OTOL1: variants seen among roughly 807,000 people sequenced by gnomAD.
OTOL1 encodes otolin 1.
In OTOL1, 31 loss-of-function variants were observed where a neutral mutation model predicts 25.0. That is an observed-to-expected ratio of 1.24 (90% confidence interval 0.93 to 1.67). The LOEUF is 1.67. OTOL1 is among the 40% of genes most tolerant of loss of function. The probability of loss-of-function intolerance (pLI) is 0.00; values close to 1 mark genes in which losing one functional copy is unlikely to be tolerated. For synonymous variants in OTOL1, 225 were observed against 210.3 expected (o/e 1.07, Z -0.61); for missense variants, 654 against 587.7 (o/e 1.11, Z -1.17).
chr3:161,501,911 G>T (rs1194910062), intron 2 of OTOL1, among the ~76,000 whole-genome samples: 1 of 152,134 alleles, frequency 6.6e-6, no homozygotes, highest in African/African-American at 2.4e-5. Flanking sequence ...CTGTCACCCA[G>T]GCTAAAGTGC....
At position 161,503,862 on chromosome 3, in the gene OTOL1, G is replaced by T. The variant is rs200041048; in HGVS notation, c.1354G>T (p.Val452Leu). ...WLEVSKDWNGVYVSAEDDSIF... is the reference protein window; with the variant it reads ...WLEVSKDWNGLYVSAEDDSIF... ...TGAGGTGTCAAAAGATTGGAATGGG[G>T]TGTATGTCAGTGCTGAGGATGACAG... The change falls in exon 4 of 4, where the codon GTG becomes TTG. Residue 452 changes from valine (V) to leucine (L), a missense_variant. Val to Leu is a conservative substitution (Grantham distance 32, BLOSUM62 1). Transcript: ENST00000327928. 93 of 1,613,846 alleles carry T rather than the reference G, an allele frequency of 5.8e-5. No individual in the cohort carries two copies. In the African/African-American group the frequency reaches 1.1e-3, roughly 19 times the overall value.
In OTOL1 at chr3:161,496,819, T is replaced by A. The variant is rs1216622607; in HGVS notation, c.12T>A (p.Phe4Leu). The A allele has an allele frequency of 6.4e-7, 1 of 1,574,796 alleles. No individual in the cohort carries two copies. The highest frequency in any genetic ancestry group is 1.4e-5 in the African/African-American group (1 of 73,246). ...TTCCAGCTTCAAATATGTGGATGTT[T>A]TCTTGGCTTTGTGCTATTTTAATTA... is the stretch of plus-strand genomic sequence containing the variant. MWM[F>L]SWLCAILIIL... Residue 4 changes from phenylalanine (F) to leucine (L), a missense_variant, in exon 1 of 4, where the codon TTT (phenylalanine) becomes TTA (leucine). Coordinates refer to ENST00000327928, the MANE Select transcript of OTOL1 (RefSeq NM_001080440.1).
chr3:161,503,170 G>T lies in OTOL1; in HGVS notation c.662G>T (p.Gly221Val). The T allele has an allele frequency of 6.8e-7, 1 of 1,461,876 alleles. No homozygotes were observed. 90.6% of individuals were successfully genotyped at this position (1,461,876 alleles called of 1,614,324 possible). ...QGAMGSPGLHGGPGAKGEKGE... is the reference protein window; with the variant it reads ...QGAMGSPGLHVGPGAKGEKGE... ...GCTATGGGCTCACCTGGCCTGCACG[G>T]AGGGCCTGGCGCCAAGGGAGAGAAG... is the stretch of plus-strand genomic sequence containing the variant. Residue 221 changes from glycine (G) to valine (V), a missense_variant, in exon 4 of 4, where the codon GGA (glycine) becomes GTA (valine). Physicochemically the swap from Gly to Val is moderately radical, Grantham distance 109. Transcript: ENST00000327928.
chr3:161,501,060 G>A (rs1251613998), intron 2 of OTOL1, among the ~76,000 whole-genome samples: 2 of 152,144 alleles, frequency 1.3e-5, no homozygotes, highest in African/African-American at 4.8e-5. Context: ...TCTGTCCAGT[G>A]CTTTAAATTT....
chr3:161,499,305 AT>A (rs1718915412), intron 2 of OTOL1, 45 bp downstream of exon 2: 2 of 1,441,366 alleles, frequency 1.4e-6, no homozygotes, highest in Non-Finnish European at 1.9e-6. Context: ...ATTCTGCATC[AT>A]TTTTCAGGAG....
In OTOL1 at chr3:161,503,190, G is replaced by T; in HGVS notation, c.682G>T (p.Glu228Ter). The change falls in exon 4 of 4, where the codon GAG (glutamate) becomes TAG (stop). Residue 228 changes from glutamate (E) to a stop codon, truncating the protein, a stop_gained. Coordinates refer to ENST00000327928, the MANE Select transcript of OTOL1 (RefSeq NM_001080440.1). LOFTEE classifies it low-confidence loss of function (END_TRUNC). ...GCACGGAGGGCCTGGCGCCAAGGGA[G>T]AGAAGGGGGAGATGGGGGAGAAGGG... is the stretch of plus-strand genomic sequence containing the variant. ...GLHGGPGAKG[E>*]KGEMGEKGEM... 1 of 1,355,658 alleles carries T rather than the reference G, an allele frequency of 7.4e-7. No homozygotes were observed. The highest frequency in any genetic ancestry group is 9.6e-7 in the Non-Finnish European group (1 of 1,044,664). The allele number at this position is 1,355,658 out of a possible 1,614,324, so 84.0% of individuals were successfully genotyped here.
chr3:161,501,858 T>C (rs1718980143), intron 2 of OTOL1, among the ~76,000 whole-genome samples: 1 of 152,150 alleles, frequency 6.6e-6, no homozygotes, highest in Non-Finnish European at 1.5e-5. Context: ...AAATTAATTA[T>C]TCCTAATGAC....
At position 161,503,186 on chromosome 3, in the gene OTOL1, G is replaced by A; in HGVS notation, c.678G>A (p.Lys226=). 6.9e-7 allele frequency: 1 copy of A among 1,457,302 alleles called. No individual in the cohort carries two copies. Among genetic ancestry groups the A allele is most frequent in the Non-Finnish European group, 9.0e-7 (1 of 1,105,988 alleles). The allele number at this position is 1,457,302 out of a possible 1,614,324, so 90.3% of individuals were successfully genotyped here. The change falls in exon 4 of 4, where the codon AAG becomes AAA. Residue 226 remains lysine, a synonymous_variant. Transcript: ENST00000327928. ...GCCTGCACGGAGGGCCTGGCGCCAA[G>A]GGAGAGAAGGGGGAGATGGGGGAGA... ...SPGLHGGPGA[K]GEKGEMGEKG...
intron 2 of OTOL1, 147 bp from the exon 3 acceptor site, chr3:161,502,160 G>T: frequency 1.4e-6 from 1 of 712,106 alleles, no homozygotes; most frequent in Admixed American, 2.3e-5. Flanking sequence ...GAGCCGCCGT[G>T]CCTGGCGTAC....
At position 161,497,186 on chromosome 3, in the gene OTOL1, AAGAAGTC is replaced by A; in HGVS notation, c.364+17_364+23del. On this transcript the variant is annotated intron_variant, in intron 1 of 3. Coordinates refer to ENST00000327928, the MANE Select transcript of OTOL1 (RefSeq NM_001080440.1). The stretch of plus-strand genomic sequence containing the variant: ...TGGACAGCCAGGTATTAGAAAATAT[AAGAAGTC>A]ATGTTTCTCACTTGTACATTGGTAG... The A allele has an allele frequency of 6.3e-7, 1 of 1,593,738 alleles. No individual in the cohort carries two copies. The highest frequency in any genetic ancestry group is 2.2e-5 in the East Asian group (1 of 44,758).
chr3:161,503,547 G>A lies in OTOL1; in HGVS notation c.1039G>A (p.Ala347Thr), dbSNP rs182735973. Reference protein sequence around the residue: ...LARVPRSAFSAGLSKPFPPPN... With the variant: ...LARVPRSAFSTGLSKPFPPPN... Reference sequence around the variant, plus strand: ...TAGAGTGCCCCGGTCGGCTTTCAGCGCTGGTTTGTCAAAGCCATTTCCTCC... The same window carrying A: ...TAGAGTGCCCCGGTCGGCTTTCAGCACTGGTTTGTCAAAGCCATTTCCTCC... The change falls in exon 4 of 4, where the codon GCT (alanine) becomes ACT (threonine). Residue 347 changes from alanine to threonine, a missense_variant. Transcript: ENST00000327928. 82 of 1,613,824 alleles carry A rather than the reference G, an allele frequency of 5.1e-5. 1 individual carries two copies. In the African/African-American group the frequency reaches 9.3e-4, roughly 18 times the overall value.
intron 2 of OTOL1, among the ~76,000 whole-genome samples, chr3:161,501,183 A>T (rs959522795): frequency 1.3e-5 from 2 of 152,168 alleles, no homozygotes; most frequent in African/African-American, 4.8e-5. Flanking sequence ...CCAACTGATT[A>T]AATGTGTTCT....
At position 161,497,816 on chromosome 3, in the gene OTOL1, G is replaced by A. The variant is rs1718874285; in HGVS notation, c.364+645G>A. Among the ~76,000 whole-genome samples, 4 of 152,058 alleles carry A rather than the reference G, an allele frequency of 2.6e-5. No individual in the cohort carries two copies. In the South Asian group the frequency reaches 8.3e-4, roughly 31 times the overall value. ...GGTTATGTATTTCAAGATTTCAGAT[G>A]TCTATAATATATACATAATGAATAT... On this transcript the variant is annotated intron_variant, in intron 1 of 3. Coordinates refer to ENST00000327928, the MANE Select transcript of OTOL1 (RefSeq NM_001080440.1).
intron 1 of OTOL1, 84 bp from the exon 2 acceptor site, chr3:161,499,087 G>A: frequency 9.2e-7 from 1 of 1,085,732 alleles, no homozygotes; most frequent in Non-Finnish European, 1.4e-6. Context: ...ATTGATTGCA[G>A]TAAAATGCTT....
chr3:161,499,516 G>T (rs1047065451), intron 2 of OTOL1, among the ~76,000 whole-genome samples: 3 of 152,198 alleles, frequency 2.0e-5, no homozygotes, highest in Admixed American at 2.0e-4. Context: ...TCTCTCATTG[G>T]TCACCTAGCT....
chr3:161,503,077 A>G lies in OTOL1; in HGVS notation c.569A>G (p.Lys190Arg). Residue 190 changes from lysine to arginine, a missense_variant, in exon 4 of 4, where the codon AAA (lysine) becomes AGA (arginine). Transcript: ENST00000327928. ...GGAAACATTGGTTTGGGAGGAGTGA[A>G]AGGACAAAAAGGCTCCAAGGGAGAC... is the stretch of plus-strand genomic sequence containing the variant. Reference protein sequence around the residue: ...DKGNIGLGGVKGQKGSKGDTC... With the variant: ...DKGNIGLGGVRGQKGSKGDTC... The G allele has an allele frequency of 1.4e-6, 2 of 1,390,866 alleles. No homozygotes were observed. Among genetic ancestry groups the G allele is most frequent in the African/African-American group, 1.4e-5 (1 of 69,382 alleles). The allele number at this position is 1,390,866 out of a possible 1,614,324, so 86.2% of individuals were successfully genotyped here.
chr3:161,502,033 A>AT (rs1718985762), intron 2 of OTOL1, among the ~76,000 whole-genome samples: 1 of 152,020 alleles, frequency 6.6e-6, no homozygotes, highest in South Asian at 2.1e-4. Flanking sequence ...AACCCGGCTA[A>AT]TTTTTTGTAT....
In OTOL1 at chr3:161,503,448, G is replaced by A; in HGVS notation, c.940G>A (p.Gly314Ser). The change falls in exon 4 of 4, where the codon GGC becomes AGC. Residue 314 changes from glycine (G) to serine (S), a missense_variant. By Grantham distance (56) the Gly-to-Ser change is moderately conservative. Coordinates refer to ENST00000327928, the MANE Select transcript of OTOL1 (RefSeq NM_001080440.1). The stretch of plus-strand genomic sequence containing the variant: ...ACCTACTGGGCCGAAGGGTGACATT[G>A]GCAACAAAGGGGTCCGAGGCCCCAC... ...LGPTGPKGDIGNKGVRGPTGK... is the reference protein window; with the variant it reads ...LGPTGPKGDISNKGVRGPTGK... 6.2e-7 allele frequency: 1 copy of A among 1,613,796 alleles called. No homozygotes were observed.
chr3:161,502,666 A>G (rs888839494), intron 3 of OTOL1, among the ~76,000 whole-genome samples: 5 of 152,164 alleles, frequency 3.3e-5, no homozygotes, highest in Non-Finnish European at 7.3e-5. Context: ...AATGGACAAT[A>G]TGGGGATTTA....
Sources: gnomAD v4.1 joint callset for allele counts (sites outside exome capture counted in the v4.1 genomes callset) on GRCh38, gnomAD v4.1.1 for gene constraint, MANE v1.5 for transcripts, NCBI Gene and HGNC (gene_info 2026-07-23, HGNC 2026-07-21) for gene names.